TSNARE1: variants seen among roughly 807,000 people sequenced by gnomAD.
TSNARE1 encodes the protein t-SNARE domain-containing protein 1.
TSNARE1 carries 49 observed loss-of-function variants against 62.0 expected under a neutral mutation model. The observed-to-expected ratio is 0.79, with a 90% CI of 0.63 to 1.00. The LOEUF is 1.00. Among genes scored for constraint, TSNARE1 ranks in the 50% least tolerant of loss-of-function variants. The probability of loss-of-function intolerance (pLI) is 0.00; values close to 1 mark genes in which losing one functional copy is unlikely to be tolerated. For synonymous variants in TSNARE1, 328 were observed against 294.4 expected (o/e 1.11, Z -1.17); for missense variants, 755 against 700.1 (o/e 1.08, Z -0.88).
intron 10 of TSNARE1, among the ~76,000 whole-genome samples, chr8:142,292,420 G>A (rs1336395203): frequency 1.3e-5 from 2 of 152,220 alleles, no homozygotes; most frequent in African/African-American, 4.8e-5. Context: ...TGACTGCAAT[G>A]TGCTTGCTGA....
intron 1 of TSNARE1, among the ~76,000 whole-genome samples, chr8:142,369,653 G>A (rs182501347): frequency 1.5e-4 from 23 of 152,170 alleles, no homozygotes; most frequent in African/African-American, 4.6e-4. Flanking sequence ...ACAGGAGGTC[G>A]CAGGGAAATG....
At chr8:142,252,240 C>T (rs908178895) in intron 12 of TSNARE1, among the ~76,000 whole-genome samples, 4 of 152,240 alleles carry the variant, frequency 2.6e-5, no homozygotes, top group African/African-American at 9.6e-5. Context: ...AAGAGGTAAA[C>T]AGACGGCTGC....
At chr8:142,280,281 G>C (rs767669249) in intron 11 of TSNARE1, 13 of 985,316 alleles carry the variant, frequency 1.3e-5, no homozygotes, top group Non-Finnish European at 1.3e-5. Context: ...CGGCCGGCTC[G>C]GGGCTGCAGC....
At chr8:142,229,121 A>G (rs1404022949) in intron 13 of TSNARE1, among the ~76,000 whole-genome samples, 3 of 39,486 alleles carry the variant, frequency 7.6e-5, no homozygotes, top group Admixed American at 3.1e-4. Flanking sequence ...TGGATGGATA[A>G]ATGGATGGTG....
chr8:142,342,386 C>G (rs922865706), intron 4 of TSNARE1, among the ~76,000 whole-genome samples: 8 of 152,224 alleles, frequency 5.3e-5, no homozygotes, highest in Non-Finnish European at 4.4e-5. Flanking sequence ...AGCTCCACCA[C>G]AGCCAGCACT....
intron 1 of TSNARE1, among the ~76,000 whole-genome samples, chr8:142,392,257 G>A (rs1837584428): frequency 6.6e-6 from 1 of 152,086 alleles, no homozygotes; most frequent in Non-Finnish European, 1.5e-5. Flanking sequence ...CCTGACCTCA[G>A]GTGATCCACC....
intron 4 of TSNARE1, among the ~76,000 whole-genome samples, chr8:142,341,552 C>T (rs2130138316): frequency 6.6e-6 from 1 of 152,322 alleles, no homozygotes; most frequent in Admixed American, 6.5e-5. Flanking sequence ...CGCATCCAGA[C>T]ACACGGCTGG....
rs1366238155 is a variant in TSNARE1, at chr8:142,344,295, T to C, written c.416A>G (p.Lys139Arg). Reference sequence around the variant, plus strand: ...CAGCAGCTGGTGGTGCTTGCTCACCTTGGACACCAGCACCTCGGTCTCCTG... The same window carrying C: ...CAGCAGCTGGTGGTGCTTGCTCACCCTGGACACCAGCACCTCGGTCTCCTG... ...CPQETEVLVS[K>R]VSKHHQLLFG... The change falls in exon 4 of 14, where the codon AAG becomes AGG. Residue 139 changes from lysine (K) to arginine (R), a missense_variant. Physicochemically the swap from Lys to Arg is conservative, Grantham distance 26. Coordinates refer to ENST00000524325, the MANE Select transcript of TSNARE1 (RefSeq NM_145003.5). 1.0e-5 allele frequency: 16 copies of C among 1,599,154 alleles called. No homozygotes were observed. Among genetic ancestry groups the C allele is most frequent in the Non-Finnish European group, 1.1e-5 (13 of 1,169,424 alleles).
chr8:142,357,817 C>T (rs1256557063), intron 1 of TSNARE1, among the ~76,000 whole-genome samples: 1 of 152,286 alleles, frequency 6.6e-6, no homozygotes, highest in East Asian at 1.9e-4. Context: ...GAAGCCACCA[C>T]GGAGAGAGGA....
intron 4 of TSNARE1, among the ~76,000 whole-genome samples, chr8:142,342,053 G>A (rs533399345): frequency 6.6e-6 from 1 of 152,360 alleles, no homozygotes; most frequent in Non-Finnish European, 1.5e-5. Context: ...CTGCCAGAGA[G>A]CAGAGGCCCT....
intron 1 of TSNARE1, among the ~76,000 whole-genome samples, chr8:142,370,429 C>A (rs1036506396): frequency 6.6e-6 from 1 of 152,054 alleles, no homozygotes; most frequent in African/African-American, 2.4e-5. Context: ...TAAATTTAAA[C>A]ATTCGTTGGG....
intron 12 of TSNARE1, chr8:142,270,366 C>A (rs1042678107): frequency 1.0e-6 from 1 of 985,290 alleles, no homozygotes; most frequent in Non-Finnish European, 1.2e-6. Flanking sequence ...CGTCAGCAGC[C>A]GCACTGCTGC....
chr8:142,381,852 A>G (rs1203937576), intron 1 of TSNARE1, among the ~76,000 whole-genome samples: 2 of 152,294 alleles, frequency 1.3e-5, no homozygotes, highest in Admixed American at 1.3e-4. Context: ...GGCATTGGGA[A>G]CAGGCAGCGC....
chr8:142,293,665 G>C (rs1197440261), intron 10 of TSNARE1, among the ~76,000 whole-genome samples: 1 of 152,198 alleles, frequency 6.6e-6, no homozygotes, highest in Non-Finnish European at 1.5e-5. Flanking sequence ...GCTTCCTGGA[G>C]ACCTGGCTGT....
At chr8:142,320,457 C>T (rs1320536467) in intron 6 of TSNARE1, among the ~76,000 whole-genome samples, 1 of 151,226 alleles carries the variant, frequency 6.6e-6, no homozygotes, top group South Asian at 2.1e-4. Flanking sequence ...TGCCCTCCTG[C>T]ACCTCCGACC....
At position 142,331,838 on chromosome 8, in the gene TSNARE1, G is replaced by A; in HGVS notation, c.746-7C>T. The A allele has an allele frequency of 6.2e-7, 1 of 1,605,616 alleles. No homozygotes were observed. The highest frequency in any genetic ancestry group is 8.5e-7 in the Non-Finnish European group (1 of 1,176,110). ...CACGGATCGACCTGGGTGGCTGGGA[G>A]AAGACAGGGAGGAGGAAAGAACACA... is the stretch of plus-strand genomic sequence containing the variant. On this transcript the variant is annotated splice_polypyrimidine_tract_variant and splice_region_variant and intron_variant, in intron 4 of 13. Coordinates refer to ENST00000524325, the MANE Select transcript of TSNARE1 (RefSeq NM_145003.5).
intron 6 of TSNARE1, among the ~76,000 whole-genome samples, chr8:142,330,259 A>C (rs1440977092): frequency 2.0e-5 from 3 of 152,160 alleles, no homozygotes; most frequent in African/African-American, 7.2e-5. Context: ...GTGCCACTCT[A>C]ACCACACCCA....
intron 12 of TSNARE1, chr8:142,274,253 C>T: frequency 1.0e-6 from 1 of 985,460 alleles, no homozygotes; most frequent in Non-Finnish European, 1.2e-6. Context: ...TCCAGCCAGC[C>T]TGACCTGTCA....
chr8:142,220,182 C>T (rs974060963), intron 13 of TSNARE1, among the ~76,000 whole-genome samples: 2 of 152,208 alleles, frequency 1.3e-5, no homozygotes, highest in East Asian at 1.9e-4. Context: ...GGCTAGACAC[C>T]GGGTGGGCTG....
Sources: allele counts gnomAD v4.1 joint callset (sites outside exome capture counted in the v4.1 genomes callset), GRCh38; gene constraint gnomAD v4.1.1; transcripts MANE v1.5; gene names NCBI Gene and HGNC (gene_info 2026-07-23, HGNC 2026-07-21).